TMEM237: variants seen among roughly 807,000 people sequenced by gnomAD.
TMEM237 encodes the protein amyotrophic lateral sclerosis 2 (juvenile) chromosome region, candidate 4.
A neutral mutation model predicts 59.1 loss-of-function variants in TMEM237; 51 were observed. That is an observed-to-expected ratio of 0.86 (90% CI 0.69 to 1.09). The LOEUF is 1.09. TMEM237 is among the 50% of genes least tolerant of loss of function. TMEM237 has a pLI of 0.00. For synonymous variants in TMEM237, 140 were observed against 166.1 expected, an observed-to-expected ratio of 0.84 and a Z score of 1.21; for missense variants, 475 against 478.3, an observed-to-expected ratio of 0.99 and a Z score of 0.06.
chr2:201,631,949 C>A (rs1045547074), intron 7 of TMEM237, 102 bp downstream of exon 7: 22 of 1,268,158 alleles, frequency 1.7e-5, no homozygotes, highest in Non-Finnish European at 2.2e-5. Context: ...AATTGTTGTA[C>A]ACAGTTTTGC....
At chr2:201,639,132 G>A (rs999461671) in intron 3 of TMEM237, 87 bp from the exon 4 acceptor site, 2 of 1,227,910 alleles carry the variant, frequency 1.6e-6, no homozygotes, top group Non-Finnish European at 2.3e-6. Context: ...AAACAGGGAA[G>A]AATTCTCCCT....
At chr2:201,633,195 G>C in intron 6 of TMEM237, 116 bp downstream of exon 6, 1 of 1,029,390 alleles carries the variant, frequency 9.7e-7, no homozygotes. Flanking sequence ...ACTTATCCTA[G>C]AGGTACACAA....
intron 12 of TMEM237, among the ~76,000 whole-genome samples, chr2:201,624,892 T>G (rs1209960574): frequency 1.3e-5 from 2 of 152,218 alleles, no homozygotes; most frequent in Admixed American, 1.3e-4. Context: ...ACAATCCAGA[T>G]GCAGTTTTGA....
chr2:201,642,813 A>G, intron 1 of TMEM237: 6 of 1,360,744 alleles, frequency 4.4e-6, no homozygotes, highest in Non-Finnish European at 5.6e-6. Context: ...GCCAGTCCAG[A>G]CTAGCCCTGC....
Position 201,632,034 on chromosome 2 carries a change from A to G in TMEM237, c.553+17T>C, listed in dbSNP as rs751136766. Reference sequence around the variant, plus strand: ...ATTTTTAAAGAGTTCATATTCTAAAACAAGGCATCTACTTACGGCTTTTTT... The same window carrying G: ...ATTTTTAAAGAGTTCATATTCTAAAGCAAGGCATCTACTTACGGCTTTTTT... On this transcript the variant is annotated intron_variant, in intron 7 of 12. Transcript: ENST00000409883. 1.2e-6 allele frequency: 2 copies of G among 1,612,936 alleles called. No homozygotes were observed. Among genetic ancestry groups the G allele is most frequent in the East Asian group, 2.2e-5 (1 of 44,856 alleles).
chr2:201,635,223 T>C lies in TMEM237; in HGVS notation c.274+1525A>G, dbSNP rs1687274617. The stretch of plus-strand genomic sequence containing the variant: ...GAACTGTGCTCCAAAAAGAGATATG[T>C]TCAAGTCCTAACTCATAATACCTGT... On this transcript the variant is annotated intron_variant, in intron 5 of 12. Transcript: ENST00000409883. The surrounding 1 kb of genome is among the most constrained non-coding windows in gnomAD (Gnocchi z 4.5). Among the ~76,000 whole-genome samples, 1 of 152,228 alleles carries C rather than the reference T, an allele frequency of 6.6e-6. No individual in the cohort carries two copies. Among genetic ancestry groups the C allele is most frequent in the Non-Finnish European group, 1.5e-5 (1 of 68,046 alleles).
At chr2:201,642,654 C>G (rs1687449523) in intron 1 of TMEM237, 3 of 1,608,038 alleles carry the variant, frequency 1.9e-6, no homozygotes, top group Non-Finnish European at 2.5e-6. Context: ...TCGGCGGCCG[C>G]CGGCCCCCAA....
rs180974340 is a variant in TMEM237 at position 201,624,658 on chromosome 2, C to G, written c.1160-336G>C. Among the ~76,000 whole-genome samples, 125 of 152,234 alleles carry G rather than the reference C, an allele frequency of 8.2e-4. 1 individual carries two copies. The highest frequency in any genetic ancestry group is 1.3e-3 in the Non-Finnish European group (88 of 68,010). ...CTAAAATGTCTAATTCTACAGTGAT[C>G]AGATCATCTGAAACATAGGGGACAG... On this transcript the variant is annotated intron_variant, in intron 12 of 12. Transcript: ENST00000409883.
chr2:201,640,035 G>A (rs933540994), intron 3 of TMEM237, among the ~76,000 whole-genome samples: 1 of 152,232 alleles, frequency 6.6e-6, no homozygotes, highest in Non-Finnish European at 1.5e-5. Context: ...CAACAGTTAT[G>A]TGCTGGGTGA....
At position 201,643,410 on chromosome 2, in the gene TMEM237, C is replaced by CAT; in HGVS notation, c.-11_-10insAT. 1 of 1,512,646 alleles carries CAT rather than the reference C, an allele frequency of 6.6e-7. No homozygotes were observed. Among genetic ancestry groups the CAT allele is most frequent in the Non-Finnish European group, 8.9e-7 (1 of 1,129,568 alleles). The allele number at this position is 1,512,646 out of a possible 1,614,324, so 93.7% of individuals were successfully genotyped here. A position where few individuals can be genotyped will look rare whatever the true frequency, so the allele number is the denominator to read the frequency against. On this transcript the variant is annotated 5_prime_UTR_variant, in exon 1 of 13. The change creates a new upstream start codon in the 5' untranslated region. Coordinates refer to ENST00000409883, the MANE Select transcript of TMEM237 (RefSeq NM_001044385.3). This position sits in a 1 kb window ranked among gnomAD's most constrained non-coding sequence, Gnocchi z 4.3. ...CCGAGTCAGTCCTCATGGTGCTCTC[C>CAT]CCGCGGGGCTGCCCCGGCGCAACCG...
rs1177350939 is a variant in TMEM237, at chr2:201,629,346, T to A, written c.753A>T (p.Ala251=). ...VWNIVVIYVL[A]GDQLSNLSNL... ...TTGAGAGGTTGGATAGCTGATCTCC[T>A]GCTAGAACATATATCACAACAATAT... The change falls in exon 9 of 13, where the codon GCA becomes GCT. Residue 251 remains alanine, a synonymous_variant. Transcript: ENST00000409883. 6.2e-7 allele frequency: 1 copy of A among 1,610,344 alleles called. No individual in the cohort carries two copies. The highest frequency in any genetic ancestry group is 8.5e-7 in the Non-Finnish European group (1 of 1,178,674).
chr2:201,639,028 G>A lies in TMEM237; in HGVS notation c.97C>T (p.Arg33Cys), dbSNP rs200714434. ...GTTCTGGGCTTCTTTTTCTTAGGAC[G>A]ACTAAGTGGAATATCATCTATAAAG... The part of the protein sequence containing the change: ...VPSQDDIPLS[R>C]PKKKKPRTKN... Residue 33 changes from arginine to cysteine, a missense_variant, in exon 4 of 13, where the codon CGT becomes TGT. Coordinates refer to ENST00000409883, the MANE Select transcript of TMEM237 (RefSeq NM_001044385.3). The A allele has an allele frequency of 5.1e-4, 803 of 1,581,760 alleles. 6 individuals are homozygous for A. The Middle Eastern group carries it at 6.5e-3, about 13-fold the overall frequency.
At chr2:201,634,940 G>A in intron 5 of TMEM237, 1 of 423,412 alleles carries the variant, frequency 2.4e-6, no homozygotes, top group Non-Finnish European at 4.9e-6. Context: ...TATTAATAAG[G>A]GCTGATGTTA....
chr2:201,632,301 C>A, intron 6 of TMEM237, 93 bp from the exon 7 acceptor site: 4 of 1,375,198 alleles, frequency 2.9e-6, no homozygotes, highest in Non-Finnish European at 4.0e-6. Flanking sequence ...TGGAAAGGGC[C>A]CTGGACTTGG....
At chr2:201,642,648 C>A in intron 1 of TMEM237, 3 of 1,607,792 alleles carry the variant, frequency 1.9e-6, no homozygotes, top group Non-Finnish European at 2.5e-6. Flanking sequence ...CCGGCCTCGG[C>A]GGCCGCCGGC....
intron 11 of TMEM237, among the ~76,000 whole-genome samples, chr2:201,627,060 A>G (rs1559584738): frequency 6.6e-6 from 1 of 150,842 alleles, no homozygotes; most frequent in East Asian, 2.0e-4. Context: ...AGCATGGGTG[A>G]CACAGCGAGA....
At chr2:201,627,247 G>T in intron 11 of TMEM237, 74 bp downstream of exon 11, 1 of 1,068,960 alleles carries the variant, frequency 9.4e-7, no homozygotes, top group Non-Finnish European at 1.4e-6. Flanking sequence ...ATTTGCAGTT[G>T]AAAAAGAATG....
At chr2:201,637,850 T>C (rs1439024061) in intron 4 of TMEM237, among the ~76,000 whole-genome samples, 4 of 152,098 alleles carry the variant, frequency 2.6e-5, no homozygotes, top group Non-Finnish European at 4.4e-5. Flanking sequence ...TTTCCCCCAC[T>C]AAATTAACAA....
intron 10 of TMEM237, among the ~76,000 whole-genome samples, chr2:201,627,791 C>T (rs969183227): frequency 5.3e-5 from 8 of 151,990 alleles, no homozygotes; most frequent in African/African-American, 1.2e-4. Flanking sequence ...AGGCCATACC[C>T]GCTGAATCTG....
Sources: allele counts gnomAD v4.1 joint callset (sites outside exome capture counted in the v4.1 genomes callset), GRCh38; gene constraint gnomAD v4.1.1; non-coding constraint Gnocchi (gnomAD v3.1); transcripts MANE v1.5; gene names NCBI Gene and HGNC (gene_info 2026-07-23, HGNC 2026-07-21).